Variants in LRRC1 observed in about 807,000 individuals in gnomAD.
LRRC1 encodes leucine rich repeat containing 1, also known as leucine-rich repeat-containing protein 1.
LRRC1 carries 28 observed loss-of-function variants against 69.9 expected under a neutral mutation model. The ratio of observed to expected loss-of-function variants is 0.40; its 90% CI spans 0.30 to 0.55. The LOEUF (loss-of-function observed/expected upper bound fraction) is 0.55. LRRC1 is among the 20% of genes least tolerant of loss of function. The pLI, the probability that LRRC1 is intolerant of heterozygous loss-of-function variation, is 0.47. For missense variants in LRRC1, 498 were observed against 609.0 expected (o/e 0.82, Z 1.92); for synonymous variants, 236 against 240.2 (o/e 0.98, Z 0.16).
chr6:53,842,413 C>G (rs573790484), intron 2 of LRRC1, among the ~76,000 whole-genome samples, 186 bp downstream of exon 2: 101 of 152,276 alleles, frequency 6.6e-4, no homozygotes, highest in Non-Finnish European at 8.8e-4. Context: ...ACTGGAGGTG[C>G]TTTCCCTGAT....
intron 1 of LRRC1, among the ~76,000 whole-genome samples, chr6:53,806,198 C>A (rs989712237): frequency 6.6e-6 from 1 of 152,166 alleles, no homozygotes; most frequent in Non-Finnish European, 1.5e-5. Flanking sequence ...TATCTCTGTC[C>A]CTCATCAGAG....
At chr6:53,846,007 T>C (rs1367238388) in intron 2 of LRRC1, among the ~76,000 whole-genome samples, 2 of 152,244 alleles carry the variant, frequency 1.3e-5, no homozygotes, top group African/African-American at 2.4e-5. Context: ...ATGCTGGAGC[T>C]GACTTTAGCT....
intron 2 of LRRC1, 143 bp from the exon 3 acceptor site, chr6:53,878,850 A>G: frequency 3.8e-6 from 2 of 525,412 alleles, no homozygotes; most frequent in South Asian, 2.7e-5. Flanking sequence ...ATATAAATAT[A>G]TTAAAATACT....
intron 1 of LRRC1, among the ~76,000 whole-genome samples, chr6:53,804,394 T>G (rs1764578786): frequency 6.6e-6 from 1 of 152,222 alleles, no homozygotes. Flanking sequence ...TGAAGACATT[T>G]AAAATTCCCT....
intron 2 of LRRC1, among the ~76,000 whole-genome samples, chr6:53,864,735 A>G (rs1361867532): frequency 5.9e-5 from 9 of 152,088 alleles, no homozygotes; most frequent in Non-Finnish European, 1.3e-4. Context: ...GGAGTTATAT[A>G]GTCAAAGAGG....
rs575976459 is a variant in LRRC1, at chr6:53,809,749, G to A, written c.159+14334G>A. Among the ~76,000 whole-genome samples, 32 of 152,332 alleles carry A rather than the reference G, an allele frequency of 2.1e-4. No individual in the cohort carries two copies. In the Middle Eastern group the frequency reaches 0.014, roughly 65 times the overall value. On this transcript the variant is annotated intron_variant, in intron 1 of 13. Transcript: ENST00000370888. Reference sequence around the variant, plus strand: ...ATTCACTGGTAGTTTCCCCTTAGTGGAGGGTTCAGCCCTAGAGAGACAGAG... The same window carrying A: ...ATTCACTGGTAGTTTCCCCTTAGTGAAGGGTTCAGCCCTAGAGAGACAGAG...
chr6:53,891,266 T>C (rs1229848780), intron 4 of LRRC1, among the ~76,000 whole-genome samples: 2 of 152,082 alleles, frequency 1.3e-5, no homozygotes, highest in Non-Finnish European at 2.9e-5. Flanking sequence ...TGTTTTTTTT[T>C]GGTAGGAGGA....
intron 1 of LRRC1, among the ~76,000 whole-genome samples, chr6:53,815,364 T>G (rs917147225): frequency 6.6e-5 from 10 of 152,162 alleles, no homozygotes; most frequent in African/African-American, 2.2e-4. Context: ...AGGATGATGG[T>G]TCCATCAGGC....
chr6:53,894,963 G>A (rs1449027928), intron 4 of LRRC1, among the ~76,000 whole-genome samples: 4 of 148,646 alleles, frequency 2.7e-5, no homozygotes, highest in African/African-American at 5.0e-5. Context: ...ATGGAGTCTC[G>A]CTCTGTCGCC....
chr6:53,839,504 A>C (rs1402645217), intron 1 of LRRC1, among the ~76,000 whole-genome samples: 1 of 152,218 alleles, frequency 6.6e-6, no homozygotes, highest in African/African-American at 2.4e-5. Flanking sequence ...AGTGAAAAAC[A>C]GCAGCCTCTT....
In LRRC1 at chr6:53,866,932, T is replaced by C. The variant is rs1192876628; in HGVS notation, c.278-12061T>C. ...TGATGCACTTCCTCTCTGGTTCCCT[T>C]AGACTGAGCTGCTGAAGATTCAGAG... On this transcript the variant is annotated intron_variant, in intron 2 of 13. Coordinates refer to ENST00000370888, the MANE Select transcript of LRRC1 (RefSeq NM_018214.5). 2.0e-5 allele frequency among the ~76,000 whole-genome samples: 3 copies of C among 152,058 alleles called. No individual in the cohort carries two copies. The East Asian group carries it at 5.8e-4, about 29-fold the overall frequency.
chr6:53,857,415 A>G (rs1401556889), intron 2 of LRRC1, among the ~76,000 whole-genome samples: 1 of 152,198 alleles, frequency 6.6e-6, no homozygotes, highest in Admixed American at 6.5e-5. Context: ...GACTGATTGC[A>G]TGGGCTGGAG....
intron 2 of LRRC1, among the ~76,000 whole-genome samples, chr6:53,860,543 G>A (rs971827194): frequency 2.6e-5 from 4 of 151,788 alleles, no homozygotes; most frequent in African/African-American, 9.7e-5. Context: ...CTTTTTTAAA[G>A]GGTTACTTTT....
chr6:53,842,298 T>C, intron 2 of LRRC1, 71 bp downstream of exon 2: 1 of 1,030,096 alleles, frequency 9.7e-7, no homozygotes, highest in Non-Finnish European at 1.5e-6. Flanking sequence ...TAAATATAGC[T>C]ACGAGTGAGA....
At chr6:53,889,058 A>G (rs988502810) in intron 4 of LRRC1, among the ~76,000 whole-genome samples, 1 of 152,212 alleles carries the variant, frequency 6.6e-6, no homozygotes, top group Non-Finnish European at 1.5e-5. Flanking sequence ...TCGAATAGGC[A>G]TTTCTTCAGA....
intron 1 of LRRC1, among the ~76,000 whole-genome samples, chr6:53,822,070 C>T (rs1378431657): frequency 6.6e-6 from 1 of 152,088 alleles, no homozygotes; most frequent in Admixed American, 6.6e-5. Flanking sequence ...GACAGTTTCT[C>T]TTTGTTGTTA....
chr6:53,920,598 C>T (rs749775254), intron 12 of LRRC1, 27 bp from the exon 13 acceptor site: 2 of 1,614,064 alleles, frequency 1.2e-6, no homozygotes, highest in East Asian at 2.2e-5. Flanking sequence ...ACGCAATTCC[C>T]TGCTTATGTG....
intron 4 of LRRC1, among the ~76,000 whole-genome samples, chr6:53,889,293 T>C (rs1235872992): frequency 6.6e-6 from 1 of 152,128 alleles, no homozygotes; most frequent in African/African-American, 2.4e-5. Context: ...GTAAAACAGT[T>C]TGGGGAGGTC....
intron 2 of LRRC1, among the ~76,000 whole-genome samples, chr6:53,856,701 T>C (rs542932126): frequency 1.3e-5 from 2 of 152,158 alleles, no homozygotes; most frequent in Non-Finnish European, 2.9e-5. Flanking sequence ...GCTTGTGTGT[T>C]TGCTAAGGAA....
Sources: allele counts gnomAD v4.1 joint callset (sites outside exome capture counted in the v4.1 genomes callset), GRCh38; gene constraint gnomAD v4.1.1; transcripts MANE v1.5; gene names NCBI Gene and HGNC (gene_info 2026-07-23, HGNC 2026-07-21).